Variants in ANK2 observed in about 807,000 individuals in gnomAD.
The protein encoded by ANK2 is ankyrin-2.
A neutral mutation model predicts 360.5 loss-of-function variants in ANK2; 83 were observed. That is an observed-to-expected ratio of 0.23 (90% CI 0.19 to 0.28). The LOEUF (loss-of-function observed/expected upper bound fraction) is 0.28, where lower values mean the gene tolerates loss of function less well. Among genes scored for constraint, ANK2 ranks in the 10% least tolerant of loss-of-function variants. The pLI is 1.00. For missense variants in ANK2, 4,201 were observed against 4,795.7 expected (o/e 0.88, Z 3.66); for synonymous variants, 1,740 against 1,759.5 (o/e 0.99, Z 0.28).
chr4:112,995,412 T>C (rs1255490503), intron 2 of ANK2, among the ~76,000 whole-genome samples: 3 of 152,244 alleles, frequency 2.0e-5, no homozygotes, highest in Admixed American at 2.0e-4. Context: ...TTTTGAGAAG[T>C]GTATTCATGT....
intron 4 of ANK2, among the ~76,000 whole-genome samples, chr4:113,231,006 G>C (rs935580192): frequency 6.6e-6 from 1 of 151,534 alleles, no homozygotes; most frequent in African/African-American, 2.4e-5. Flanking sequence ...AAACCATGCT[G>C]CCTCAGTCAC....
chr4:113,264,915 C>T lies in ANK2; in HGVS notation c.1405C>T (p.His469Tyr). 6.4e-7 allele frequency: 1 copy of T among 1,566,016 alleles called. No homozygotes were observed. The highest frequency in any genetic ancestry group is 8.7e-7 in the Non-Finnish European group (1 of 1,154,230). Residue 469 changes from histidine (H) to tyrosine (Y), a missense_variant, in exon 14 of 46, where the codon CAC becomes TAC. Physicochemically the swap from His to Tyr is moderately conservative, Grantham distance 83. Transcript: ENST00000357077. The stretch of plus-strand genomic sequence containing the variant: ...CTGGCAGCGTGGTGAGACGGCACTA[C>T]ACATGGCAGCCCGAGCCGGGCAGGT... ...VTNIRGETAL[H>Y]MAARAGQVEV...
chr4:112,726,440 C>G, the ANK2 span, among the ~76,000 whole-genome samples: 1 of 152,146 alleles, frequency 6.6e-6, no homozygotes, highest in Admixed American at 6.5e-5. Flanking sequence ...GATGAACATT[C>G]GTATTGGAGA....
intron 1 of ANK2, among the ~76,000 whole-genome samples, chr4:113,129,759 A>G (rs910575727): frequency 2.6e-5 from 4 of 152,150 alleles, no homozygotes; most frequent in Non-Finnish European, 5.9e-5. Context: ...TGATATTGGC[A>G]TTGATGTAAT....
At chr4:112,747,289 A>G in the ANK2 span, among the ~76,000 whole-genome samples, 4 of 152,250 alleles carry the variant, frequency 2.6e-5, no homozygotes, top group African/African-American at 9.6e-5. Context: ...AATAAGGAAC[A>G]AACACATTAG....
At chr4:113,122,137 G>C (rs1410918655) in intron 1 of ANK2, among the ~76,000 whole-genome samples, 1 of 152,156 alleles carries the variant, frequency 6.6e-6, no homozygotes, top group Non-Finnish European at 1.5e-5. Context: ...ATAAGAATGA[G>C]TTGAAAGTTG....
intron 1 of ANK2, among the ~76,000 whole-genome samples, chr4:112,846,892 G>A (rs1399968878): frequency 6.6e-6 from 1 of 152,090 alleles, no homozygotes; most frequent in Admixed American, 6.5e-5. Flanking sequence ...ACAAAATCCG[G>A]AGTAGTTTAG....
rs28407732 is a variant in ANK2 at position 113,175,809 on chromosome 4, T to C, written c.186+1292T>C. On this transcript the variant is annotated intron_variant, in intron 2 of 45. Transcript: ENST00000357077. ...TTCCCTCCTTCTTCTTCAGAGTCACTGGCATAAAGAGCATTGTCACTGATG... is the reference window on the plus strand; with the variant it reads ...TTCCCTCCTTCTTCTTCAGAGTCACCGGCATAAAGAGCATTGTCACTGATG... Among the ~76,000 whole-genome samples the C allele has an allele frequency of 3.0e-3, 455 of 152,294 alleles. 3 individuals carry two copies. The highest frequency in any genetic ancestry group is 0.011 in the African/African-American group (440 of 41,562).
upstream of ANK2, among the ~76,000 whole-genome samples, chr4:113,045,593 T>TA (rs1185931843): frequency 6.6e-6 from 1 of 152,192 alleles, no homozygotes; most frequent in Non-Finnish European, 1.5e-5. Context: ...ATTTATTGAG[T>TA]ATCTGTCATA....
the ANK2 span, among the ~76,000 whole-genome samples, chr4:112,761,869 C>T: frequency 6.6e-6 from 1 of 152,178 alleles, no homozygotes; most frequent in East Asian, 1.9e-4. Flanking sequence ...AGGAACTGAG[C>T]CTCCGGTAGG....
At chr4:112,824,059 C>T (rs572732827) in intron 1 of ANK2, among the ~76,000 whole-genome samples, 1 of 152,222 alleles carries the variant, frequency 6.6e-6, no homozygotes, top group South Asian at 2.1e-4. Flanking sequence ...ATACCCTAAA[C>T]TTTAGATGGA....
intron 1 of ANK2, among the ~76,000 whole-genome samples, chr4:113,103,742 T>C (rs2093264144): frequency 6.6e-6 from 1 of 152,172 alleles, no homozygotes; most frequent in African/African-American, 2.4e-5. Flanking sequence ...GTTTTAAAAG[T>C]CAGCTATGTA....
intron 41 of ANK2, among the ~76,000 whole-genome samples, chr4:113,365,668 G>GTT (rs531215291): frequency 4.2e-5 from 6 of 144,402 alleles, no homozygotes; most frequent in African/African-American, 1.5e-4. Context: ...CTCTAACACT[G>GTT]TTTTTTTTTT....
chr4:112,842,416 A>G (rs2062311027), intron 1 of ANK2, among the ~76,000 whole-genome samples: 1 of 152,340 alleles, frequency 6.6e-6, no homozygotes, highest in Non-Finnish European at 1.5e-5. Flanking sequence ...ATGATTCGTA[A>G]GAGTTATTCC....
At chr4:112,850,318 C>T (rs1275317414) in intron 1 of ANK2, among the ~76,000 whole-genome samples, 1 of 134,640 alleles carries the variant, frequency 7.4e-6, no homozygotes, top group Non-Finnish European at 1.6e-5. Flanking sequence ...TTCATCCATC[C>T]ATCCATTCAT....
At chr4:113,180,554 G>A (rs1228331369) in intron 2 of ANK2, among the ~76,000 whole-genome samples, 2 of 152,142 alleles carry the variant, frequency 1.3e-5, no homozygotes, top group Non-Finnish European at 2.9e-5. Context: ...ATTATGATTA[G>A]TAGCAATTTG....
intron 6 of ANK2, 88 bp downstream of exon 6, chr4:113,237,260 T>A (rs1223416315): frequency 4.2e-6 from 6 of 1,439,784 alleles, no homozygotes; most frequent in Non-Finnish European, 5.8e-6. Context: ...GCCATGGTGA[T>A]AATGCAAAAT....
At chr4:113,042,530 G>T (rs2063226629) in intron 2 of ANK2, among the ~76,000 whole-genome samples, 1 of 152,140 alleles carries the variant, frequency 6.6e-6, no homozygotes, top group Admixed American at 6.5e-5. Flanking sequence ...TTGGGGGTTT[G>T]AATTTCAACA....
chr4:112,748,422 A>G, the ANK2 span, among the ~76,000 whole-genome samples: 3,650 of 152,298 alleles, frequency 0.024, 128 homozygotes, highest in African/African-American at 0.082. Flanking sequence ...CTAATGGAAC[A>G]TATTTCTTTT....
Sources: allele counts gnomAD v4.1 joint callset (sites outside exome capture counted in the v4.1 genomes callset), GRCh38; gene constraint gnomAD v4.1.1; transcripts MANE v1.5; gene names NCBI Gene and HGNC (gene_info 2026-07-23, HGNC 2026-07-21).